Variants in ADAMTS20 observed in about 807,000 individuals in gnomAD.
ADAMTS20 encodes the protein ADAM metallopeptidase with thrombospondin type 1 motif 20.
A neutral mutation model predicts 260.1 loss-of-function variants in ADAMTS20; 225 were observed. The ratio of observed to expected loss-of-function variants is 0.87; its 90% CI spans 0.78 to 0.97. The LOEUF is 0.97. Among genes scored for constraint, ADAMTS20 ranks in the 50% least tolerant of loss-of-function variants. The pLI is 0.00. For synonymous variants in ADAMTS20, 802 were observed against 769.5 expected (o/e 1.04, Z -0.70); for missense variants, 2,400 against 2,337.7 (o/e 1.03, Z -0.55).
intron 7 of ADAMTS20, among the ~76,000 whole-genome samples, chr12:43,479,399 T>C (rs1012026308): frequency 3.9e-5 from 6 of 152,138 alleles, no homozygotes; most frequent in Admixed American, 3.9e-4. Flanking sequence ...TCTTTTAAAG[T>C]ATACATGGAG....
chr12:43,467,509 A>T (rs1325176396), intron 8 of ADAMTS20, among the ~76,000 whole-genome samples: 1 of 152,088 alleles, frequency 6.6e-6, no homozygotes, highest in Non-Finnish European at 1.5e-5. Flanking sequence ...TAAATTAAAC[A>T]ACTTACCCAT....
In ADAMTS20 at chr12:43,375,479, C is replaced by A; in HGVS notation, c.5346G>T (p.Gly1782=). The A allele has an allele frequency of 1.9e-6, 3 of 1,613,212 alleles. No homozygotes were observed. In the African/African-American group the frequency reaches 4.0e-5, roughly 22 times the overall value. The stretch of plus-strand genomic sequence containing the variant: ...CACATTCACAGTCTTCCCTTCTACT[C>A]CCATTAAAAGGACATTGATATGGAT... ...LKNPYQCPFN[G]SRREDCECDN... is the part of the protein sequence containing the mutation. Residue 1782 remains glycine (G), a synonymous_variant, in exon 36 of 39, where the codon GGG becomes GGT. Transcript: ENST00000389420.
Position 43,439,925 on chromosome 12 carries a change from T to C in ADAMTS20, c.2435A>G (p.Asn812Ser). The change falls in exon 17 of 39, where the codon AAT (asparagine) becomes AGT (serine). Residue 812 changes from asparagine to serine, a missense_variant. Asn to Ser is a conservative substitution (Grantham distance 46). Transcript: ENST00000389420. ...NNAVERINST[N>S]RQEKELILQV... ...CAAAATAAGTTCTTTCTCTTGTCGA[T>C]TAGTACTATTAATTCTTTCAACTGC... 1 of 1,606,944 alleles carries C rather than the reference T, an allele frequency of 6.2e-7. No individual in the cohort carries two copies. The highest frequency in any genetic ancestry group is 8.5e-7 in the Non-Finnish European group (1 of 1,176,074).
chr12:43,496,915 C>T (rs1215713929), intron 4 of ADAMTS20, among the ~76,000 whole-genome samples: 1 of 152,070 alleles, frequency 6.6e-6, no homozygotes, highest in African/African-American at 2.4e-5. Context: ...ACTATATGAC[C>T]GTAGTCCTTA....
At chr12:43,517,650 ATC>A (rs1222190826) in intron 3 of ADAMTS20, among the ~76,000 whole-genome samples, 4 of 152,118 alleles carry the variant, frequency 2.6e-5, no homozygotes, top group African/African-American at 9.6e-5. Context: ...TACAATAGAT[ATC>A]TCTTTTTTTC....
chr12:43,543,927 C>A (rs1257309326), intron 2 of ADAMTS20, among the ~76,000 whole-genome samples: 1 of 152,074 alleles, frequency 6.6e-6, no homozygotes, highest in East Asian at 1.9e-4. Context: ...TTATATAGCT[C>A]ATAAACATAT....
At chr12:43,506,272 A>T (rs1345794492) in intron 3 of ADAMTS20, among the ~76,000 whole-genome samples, 2 of 152,088 alleles carry the variant, frequency 1.3e-5, no homozygotes, top group African/African-American at 4.8e-5. Flanking sequence ...CTTAAATGAG[A>T]TACTTAAAAT....
At chr12:43,415,524 C>T (rs1398272343) in intron 28 of ADAMTS20, among the ~76,000 whole-genome samples, 3 of 152,124 alleles carry the variant, frequency 2.0e-5, no homozygotes. Flanking sequence ...TAAGTGATAA[C>T]AATAAGCAAA....
At chr12:43,356,323 T>A (rs1176796641) in intron 38 of ADAMTS20, among the ~76,000 whole-genome samples, 161 bp downstream of exon 38, 2 of 152,236 alleles carry the variant, frequency 1.3e-5, no homozygotes, top group African/African-American at 4.8e-5. Flanking sequence ...TTTCATTTCA[T>A]AAATTAATGT....
At chr12:43,526,889 A>G (rs1311721500) in intron 3 of ADAMTS20, among the ~76,000 whole-genome samples, 1 of 152,206 alleles carries the variant, frequency 6.6e-6, no homozygotes, top group Non-Finnish European at 1.5e-5. Context: ...AAAAAAATCA[A>G]TGAAACAAAA....
rs149084530 is a variant in ADAMTS20, at chr12:43,427,381, G to A, written c.4034C>T (p.Ala1345Val). The change falls in exon 27 of 39, where the codon GCC becomes GTC. Residue 1345 changes from alanine (A) to valine (V), a missense_variant. Physicochemically the swap from Ala to Val is moderately conservative, Grantham distance 64. Coordinates refer to ENST00000389420, the MANE Select transcript of ADAMTS20 (RefSeq NM_025003.5). ...TTGCTGTAACTCTGGAGGCTTGGAG[G>A]CTGCATCGCAGTAACTAGCACTTTG... ...NGQSASYCDA[A>V]SKPPELQQCG... The A allele has an allele frequency of 3.4e-4, 554 of 1,613,938 alleles. 2 individuals carry two copies. The East Asian group carries it at 7.1e-3, about 21-fold the overall frequency.
chr12:43,379,759 A>G (rs1163151060), intron 31 of ADAMTS20, among the ~76,000 whole-genome samples: 1 of 152,234 alleles, frequency 6.6e-6, no homozygotes, highest in African/African-American at 2.4e-5. Flanking sequence ...AACAACAAAC[A>G]GTAGCAACAA....
rs573283180 is a variant in ADAMTS20 at position 43,502,109 on chromosome 12, T to C, written c.867+43A>G. On this transcript the variant is annotated intron_variant, in intron 4 of 38. Transcript: ENST00000389420. The stretch of plus-strand genomic sequence containing the variant: ...TCGACATGAAAAAATTTCATTAAGC[T>C]AAACATTTTAGGAAATATAAAAGTC... 5 of 1,483,240 alleles carry C rather than the reference T, an allele frequency of 3.4e-6. No individual in the cohort carries two copies. The African/African-American group carries it at 5.8e-5, about 17-fold the overall frequency. 91.9% of individuals were successfully genotyped at this position (1,483,240 alleles called of 1,614,324 possible). A position where few individuals can be genotyped will look rare whatever the true frequency, so the allele number is the denominator to read the frequency against.
At chr12:43,384,139 CTG>C (rs1263839964) in intron 29 of ADAMTS20, among the ~76,000 whole-genome samples, 162 bp from the exon 30 acceptor site, 1 of 152,192 alleles carries the variant, frequency 6.6e-6, no homozygotes, top group Non-Finnish European at 1.5e-5. Flanking sequence ...ACCATTATCT[CTG>C]TAAATGTATA....
chr12:43,423,480 G>A (rs1450322565), intron 28 of ADAMTS20: 7 of 480,914 alleles, frequency 1.5e-5, no homozygotes, highest in African/African-American at 2.0e-5. Flanking sequence ...AAAATAAAAC[G>A]TCTATGCTCA....
rs761423269 is a variant in ADAMTS20 at position 43,502,399 on chromosome 12, T to C, written c.620A>G (p.Gln207Arg). The change falls in exon 4 of 39, where the codon CAA (glutamine) becomes CGA (arginine). Residue 207 changes from glutamine (Q) to arginine (R), a missense_variant. Gln to Arg is a conservative substitution (Grantham distance 43). Transcript: ENST00000389420. ...TLKYCSVSES[Q>R]IKETSLPFHT... is the part of the protein sequence containing the mutation. ...AAAGGGTAAACTGGTTTCCTTTATT[T>C]GACTTTCTAGGGAGAAAAAAAGAAT... 6.3e-7 allele frequency: 1 copy of C among 1,582,050 alleles called. No homozygotes were observed. Among genetic ancestry groups the C allele is most frequent in the Non-Finnish European group, 8.5e-7 (1 of 1,171,798 alleles).
intron 2 of ADAMTS20, among the ~76,000 whole-genome samples, chr12:43,539,225 A>G (rs2137517823): frequency 6.6e-6 from 1 of 152,270 alleles, no homozygotes; most frequent in South Asian, 2.1e-4. Context: ...TGCTGGGATT[A>G]CAGGTGTGAG....
chr12:43,396,038 G>T lies in ADAMTS20; in HGVS notation c.4452+3028C>A, dbSNP rs535587249. ...ATTAAACGAAAAAAAAAATCCCCTC[G>T]CTTCCAGGAAGTGGGGGTGGGGTGG... On this transcript the variant is annotated intron_variant, in intron 29 of 38. Transcript: ENST00000389420. 2.8e-4 allele frequency among the ~76,000 whole-genome samples: 43 copies of T among 151,892 alleles called. No homozygotes were observed. In the Middle Eastern group the frequency reaches 0.01, roughly 36 times the overall value.
Position 43,377,539 on chromosome 12 carries a change from A to T in ADAMTS20, c.4821T>A (p.Ser1607Arg), listed in dbSNP as rs1940257637. ...SSQCANNCGF[S>R]YRQRITYCTE... ...TGCAATATGTAATCCTTTGTCTGTA[A>T]CTAAATCCACAGTTGTTTGCACACT... is the stretch of plus-strand genomic sequence containing the variant. The change falls in exon 32 of 39, where the codon AGT becomes AGA. Residue 1607 changes from serine to arginine, a missense_variant. Ser to Arg is a moderately radical substitution (Grantham distance 110). Coordinates refer to ENST00000389420, the MANE Select transcript of ADAMTS20 (RefSeq NM_025003.5). 1 of 1,612,676 alleles carries T rather than the reference A, an allele frequency of 6.2e-7. No individual in the cohort carries two copies. The highest frequency in any genetic ancestry group is 8.5e-7 in the Non-Finnish European group (1 of 1,179,184).
Sources: allele counts gnomAD v4.1 joint callset (sites outside exome capture counted in the v4.1 genomes callset), GRCh38; gene constraint gnomAD v4.1.1; transcripts MANE v1.5; gene names NCBI Gene and HGNC (gene_info 2026-07-23, HGNC 2026-07-21).